The following CYB5R3 variants were observed in gnomAD, a reference collection of about 807,000 sequenced individuals.
CYB5R3 encodes NADH-cytochrome b5 reductase 3.
A neutral mutation model predicts 36.5 loss-of-function variants in CYB5R3; 28 were observed. The ratio of observed to expected loss-of-function variants is 0.77; its 90% CI spans 0.57 to 1.05. The LOEUF is 1.05. CYB5R3 is among the 50% of genes least tolerant of loss of function. The pLI is 0.00. For missense variants in CYB5R3, 474 were observed against 408.9 expected (o/e 1.16, Z -1.37); for synonymous variants, 181 against 159.8 (o/e 1.13, Z -1.00).
rs374075200 is a variant in CYB5R3 at position 42,628,181 on chromosome 22, G to A, written c.434C>T (p.Pro145Leu). The change falls in exon 5 of 9, where the codon CCC becomes CTC. Residue 145 changes from proline to leucine, a missense_variant. By Grantham distance (98) the Pro-to-Leu change is moderately conservative. Transcript: ENST00000352397. The part of the protein sequence containing the change: ...QIGDTIEFRG[P>L]SGLLVYQGKG... ...GCCCTGGTAGACCAGCAGCCCACTG[G>A]GGCCCCGGAACTCAATGGTGTCTCC... The A allele has an allele frequency of 4.3e-6, 7 of 1,613,964 alleles. No individual in the cohort carries two copies. The highest frequency in any genetic ancestry group is 1.1e-5 in the South Asian group (1 of 91,084).
chr22:42,622,505 C>T (rs548599088), intron 8 of CYB5R3, among the ~76,000 whole-genome samples: 8 of 152,222 alleles, frequency 5.3e-5, no homozygotes, highest in Admixed American at 3.9e-4. Flanking sequence ...AGCCAGAGGC[C>T]GGACACGGTG....
intron 1 of CYB5R3, among the ~76,000 whole-genome samples, chr22:42,645,533 G>A (rs1315445521): frequency 6.6e-6 from 1 of 152,140 alleles, no homozygotes; most frequent in Non-Finnish European, 1.5e-5. Flanking sequence ...GCTGAGCTGG[G>A]AGTCAAGCAC....
chr22:42,640,220 C>A, intron 1 of CYB5R3: 1 of 1,596,618 alleles, frequency 6.3e-7, no homozygotes, highest in Non-Finnish European at 8.5e-7. Context: ...TAAGTCACAG[C>A]AGCATTCACC....
At position 42,636,848 on chromosome 22, in the gene CYB5R3, T is replaced by A. The variant is rs113912310; in HGVS notation, c.22-2A>T. 1 of 1,613,290 alleles carries A rather than the reference T, an allele frequency of 6.2e-7. No homozygotes were observed. The highest frequency in any genetic ancestry group is 1.3e-5 in the African/African-American group (1 of 74,932). ...TGGGAAGAGCACCATATGGCCCAAC[T>A]GAAACGACAGGACCCGCGGGGTCAG... On this transcript the variant is annotated splice_acceptor_variant, in intron 1 of 8. Transcript: ENST00000352397. LOFTEE classifies it high-confidence loss of function.
Position 42,648,720 on chromosome 22 carries a change from C to A in CYB5R3, c.21+575G>T, listed in dbSNP as rs8190372. 7.4e-3 allele frequency among the ~76,000 whole-genome samples: 1,121 copies of A among 152,286 alleles called. 14 individuals are homozygous for A. Among genetic ancestry groups the A allele is most frequent in the Non-Finnish European group, 0.012 (828 of 68,014 alleles). On this transcript the variant is annotated intron_variant, in intron 1 of 8. Transcript: ENST00000352397. ...CCCACTGAGCATTGGGAGGATGCCC[C>A]CGTGTCATCCGGGTTCTGTTCCTTG...
At position 42,619,640 on chromosome 22, in the gene CYB5R3, A is replaced by G. The variant is rs1351070225; in HGVS notation, c.*133T>C. 2 of 824,204 alleles carry G rather than the reference A, an allele frequency of 2.4e-6. No individual in the cohort carries two copies. The highest frequency in any genetic ancestry group is 3.8e-6 in the Non-Finnish European group (2 of 526,052). 51.1% of individuals were successfully genotyped at this position (824,204 alleles called of 1,614,324 possible). A position where few individuals can be genotyped will look rare whatever the true frequency, so the allele number is the denominator to read the frequency against. On this transcript the variant is annotated 3_prime_UTR_variant, in exon 9 of 9. Coordinates refer to ENST00000352397, the MANE Select transcript of CYB5R3 (RefSeq NM_000398.7). ...GGGGCTCCAGGGGAACTGCTCAGCC[A>G]GGTGATTCACCAGGGCACGGGCAGG...
At chr22:42,621,605 T>C (rs925779542) in intron 8 of CYB5R3, among the ~76,000 whole-genome samples, 107 of 152,254 alleles carry the variant, frequency 7.0e-4, no homozygotes, top group African/African-American at 2.5e-3. Flanking sequence ...TGGCAACAAA[T>C]GTACACGAAA....
rs529486436 is a variant in CYB5R3 at position 42,649,342 on chromosome 22, TCGCCGCCGC to T, written c.-36_-28del. The T allele has an allele frequency of 9.3e-6, 9 of 969,098 alleles. No homozygotes were observed. The Admixed American group carries it at 1.4e-4, about 15-fold the overall frequency. 60.0% of individuals were successfully genotyped at this position (969,098 alleles called of 1,614,324 possible). A position where few individuals can be genotyped will look rare whatever the true frequency, so the allele number is the denominator to read the frequency against. On this transcript the variant is annotated 5_prime_UTR_variant, in exon 1 of 9. Transcript: ENST00000352397. ...GTGGCCCCGCGCCGCGCTCGCTCTGTCGCCGCCGCCGCCGCCGCCGAGACCGTCGCGCCC... is the reference window on the plus strand; with the variant it reads ...GTGGCCCCGCGCCGCGCTCGCTCTGTCGCCGCCGCCGAGACCGTCGCGCCC...
intron 7 of CYB5R3, among the ~76,000 whole-genome samples, chr22:42,626,107 G>A (rs1290611103): frequency 3.9e-5 from 6 of 152,164 alleles, no homozygotes; most frequent in Non-Finnish European, 8.8e-5. Context: ...TCAGGAGTTC[G>A]AGACCAGCCT....
rs1929664796 is a variant in CYB5R3 at position 42,649,362 on chromosome 22, G to C, written c.-47C>G. 34 of 761,120 alleles carry C rather than the reference G, an allele frequency of 4.5e-5. No homozygotes were observed. The highest frequency in any genetic ancestry group is 5.5e-5 in the Non-Finnish European group (34 of 613,406). The allele number at this position is 761,120 out of a possible 1,614,324, so 47.1% of individuals were successfully genotyped here. ...CTCTGTCGCCGCCGCCGCCGCCGCC[G>C]AGACCGTCGCGCCCGGGCCCGCGTC... is the stretch of plus-strand genomic sequence containing the variant. On this transcript the variant is annotated 5_prime_UTR_variant, in exon 1 of 9. Coordinates refer to ENST00000352397, the MANE Select transcript of CYB5R3 (RefSeq NM_000398.7).
intron 7 of CYB5R3, among the ~76,000 whole-genome samples, chr22:42,626,503 C>T (rs540291427): frequency 2.0e-5 from 3 of 152,262 alleles, no homozygotes; most frequent in Admixed American, 2.0e-4. Context: ...AGACTCTGAA[C>T]CAGCACCACC....
At chr22:42,621,192 G>A (rs1927948778) in intron 8 of CYB5R3, among the ~76,000 whole-genome samples, 1 of 135,008 alleles carries the variant, frequency 7.4e-6, no homozygotes, top group Admixed American at 7.2e-5. Flanking sequence ...TAGTGTGTGT[G>A]TGTGTGTGTG....
Position 42,623,869 on chromosome 22 carries a change from A to G in CYB5R3, c.653T>C (p.Leu218Pro). ...CCTGAGTTCCTCCAGCTCAGGTCGC[A>G]GCAGGATGTCCTTCTCGGTCTGCAG... ...FANQTEKDIL[L>P]RPELEELRNK... The change falls in exon 8 of 9, where the codon CTG becomes CCG. Residue 218 changes from leucine (L) to proline (P), a missense_variant. Coordinates refer to ENST00000352397, the MANE Select transcript of CYB5R3 (RefSeq NM_000398.7). 1 of 1,614,154 alleles carries G rather than the reference A, an allele frequency of 6.2e-7. No homozygotes were observed. The highest frequency in any genetic ancestry group is 1.1e-5 in the South Asian group (1 of 91,092).
chr22:42,648,345 C>T (rs543001819), intron 1 of CYB5R3, among the ~76,000 whole-genome samples: 68 of 152,356 alleles, frequency 4.5e-4, no homozygotes, highest in Admixed American at 2.2e-3. Context: ...CCACGCCTAG[C>T]GGGTCACAGT....
intron 1 of CYB5R3, among the ~76,000 whole-genome samples, chr22:42,638,790 T>G (rs1209242696): frequency 6.9e-6 from 1 of 145,324 alleles, no homozygotes; most frequent in African/African-American, 2.6e-5. Flanking sequence ...CCCAGCACTT[T>G]GGGAGGCTGA....
At chr22:42,623,606 G>T (rs576113838) in intron 8 of CYB5R3, among the ~76,000 whole-genome samples, 183 bp downstream of exon 8, 2 of 152,206 alleles carry the variant, frequency 1.3e-5, no homozygotes, top group African/African-American at 4.8e-5. Flanking sequence ...GGTGGTTTCC[G>T]GCTGTGTGGC....
chr22:42,646,432 G>A (rs1399893492), intron 1 of CYB5R3, among the ~76,000 whole-genome samples: 1 of 152,180 alleles, frequency 6.6e-6, no homozygotes, highest in Non-Finnish European at 1.5e-5. Flanking sequence ...CTGAGGGGCT[G>A]CGTAGCTCTG....
chr22:42,644,494 G>A, intron 1 of CYB5R3: 2 of 1,201,658 alleles, frequency 1.7e-6, no homozygotes, highest in Middle Eastern at 1.9e-4. Context: ...CATCCAACCA[G>A]CAAACTCCTA....
chr22:42,624,951 T>C (rs897467084), intron 7 of CYB5R3, among the ~76,000 whole-genome samples: 8 of 152,002 alleles, frequency 5.3e-5, no homozygotes, highest in Non-Finnish European at 7.4e-5. Flanking sequence ...AGATGAGCTG[T>C]GTGAGGGGCA....
Sources: gnomAD v4.1 joint callset for allele counts (sites outside exome capture counted in the v4.1 genomes callset) on GRCh38, gnomAD v4.1.1 for gene constraint, MANE v1.5 for transcripts, NCBI Gene and HGNC (gene_info 2026-07-23, HGNC 2026-07-21) for gene names.